The following ALKBH8 variants were observed in gnomAD, a reference collection of about 807,000 sequenced individuals.
The protein encoded by ALKBH8 is tRNA (carboxymethyluridine(34)-5-O)-methyltransferase ALKBH8.
A neutral mutation model predicts 59.8 loss-of-function variants in ALKBH8; 36 were observed. That is an observed-to-expected ratio of 0.60 (90% CI 0.46 to 0.79). The LOEUF is 0.79. Among genes scored for constraint, ALKBH8 ranks in the 30% least tolerant of loss-of-function variants. ALKBH8 has a pLI of 0.00. For missense variants in ALKBH8, 768 were observed against 801.0 expected (o/e 0.96, Z 0.50); for synonymous variants, 276 against 273.6 (o/e 1.01, Z -0.09).
At chr11:107,550,646 C>A (rs1345635882) in intron 6 of ALKBH8, among the ~76,000 whole-genome samples, 1 of 152,192 alleles carries the variant, frequency 6.6e-6, no homozygotes, top group Non-Finnish European at 1.5e-5. Context: ...ATTCACAAAT[C>A]CACAGCTACA....
In ALKBH8 at chr11:107,504,472, CTGTGA is replaced by C. The variant is rs1233859763; in HGVS notation, c.*181_*185del. Reference sequence around the variant, plus strand: ...GAAGTAGGAGGAGCCAACACCACATCTGTGATGTCAGCCAACAGGAGACATTTGAA... The same window carrying C: ...GAAGTAGGAGGAGCCAACACCACATCTGTCAGCCAACAGGAGACATTTGAA... On this transcript the variant is annotated 3_prime_UTR_variant, in exon 12 of 12. Coordinates refer to ENST00000428149, the MANE Select transcript of ALKBH8 (RefSeq NM_138775.3). The C allele has an allele frequency of 1.6e-5, 12 of 740,740 alleles. No individual in the cohort carries two copies. Among genetic ancestry groups the C allele is most frequent in the Admixed American group, 8.5e-5 (4 of 47,288 alleles). 45.9% of individuals were successfully genotyped at this position (740,740 alleles called of 1,614,324 possible).
Position 107,551,891 on chromosome 11 carries a change from C to G in ALKBH8, c.617G>C (p.Ser206Thr), listed in dbSNP as rs777536795. 1 of 1,537,662 alleles carries G rather than the reference C, an allele frequency of 6.5e-7. No individual in the cohort carries two copies. Among genetic ancestry groups the G allele is most frequent in the Non-Finnish European group, 8.7e-7 (1 of 1,147,076 alleles). ...TTTCCTCAACCATTTCTCCAAAAAG[C>G]TTTCACAAATGTCAGGAAGACCTAC... Reference protein sequence around the residue: ...LSGGLPDICESFLEKWLRKGY... With the variant: ...LSGGLPDICETFLEKWLRKGY... Residue 206 changes from serine to threonine, a missense_variant, in exon 6 of 12, where the codon AGC becomes ACC. Physicochemically the swap from Ser to Thr is moderately conservative, Grantham distance 58. Coordinates refer to ENST00000428149, the MANE Select transcript of ALKBH8 (RefSeq NM_138775.3).
In ALKBH8 at chr11:107,551,835, T is replaced by A; in HGVS notation, c.673A>T (p.Thr225Ser). ...GYIKHKPDQM[T>S]INQYEPGQGI... is the part of the protein sequence containing the mutation. ...TGCCCAGGTTCATACTGATTTATGG[T>A]CATTTGATCAGGTTTATGTTTAATG... The change falls in exon 6 of 12, where the codon ACC becomes TCC. Residue 225 changes from threonine (T) to serine (S), a missense_variant. By Grantham distance (58) the Thr-to-Ser change is moderately conservative (BLOSUM62 1). Transcript: ENST00000428149. 6.5e-7 allele frequency: 1 copy of A among 1,544,844 alleles called. No homozygotes were observed. Among genetic ancestry groups the A allele is most frequent in the Non-Finnish European group, 8.7e-7 (1 of 1,153,706 alleles).
intron 7 of ALKBH8, among the ~76,000 whole-genome samples, chr11:107,533,597 T>G (rs1863686030): frequency 6.6e-6 from 1 of 152,210 alleles, no homozygotes. Flanking sequence ...CATATAGTCA[T>G]ACCCTGAAAG....
intron 7 of ALKBH8, among the ~76,000 whole-genome samples, chr11:107,537,086 A>T (rs1863848347): frequency 6.6e-6 from 1 of 152,248 alleles, no homozygotes; most frequent in South Asian, 2.1e-4. Flanking sequence ...AGACTCCTGA[A>T]AATTCATAAT....
intron 6 of ALKBH8, 122 bp from the exon 7 acceptor site, chr11:107,549,945 T>C: frequency 1.5e-6 from 1 of 646,704 alleles, no homozygotes; most frequent in South Asian, 2.5e-5. Context: ...GAAGGTACTA[T>C]AATTTTGGTT....
chr11:107,520,839 G>A (rs79486144), intron 10 of ALKBH8, among the ~76,000 whole-genome samples: 29 of 152,100 alleles, frequency 1.9e-4, no homozygotes, highest in African/African-American at 6.3e-4. Context: ...CCAGCCCTCC[G>A]AATCTATGAG....
chr11:107,528,436 T>C (rs1426748435), intron 8 of ALKBH8, among the ~76,000 whole-genome samples: 4 of 152,132 alleles, frequency 2.6e-5, no homozygotes, highest in Admixed American at 6.5e-5. Context: ...TTAAAGGCAA[T>C]TTTGTAGAGG....
At chr11:107,558,766 G>T (rs1864813720) in intron 2 of ALKBH8, among the ~76,000 whole-genome samples, 1 of 152,128 alleles carries the variant, frequency 6.6e-6, no homozygotes. Context: ...ATTTATAATT[G>T]TTCAAGCAAT....
chr11:107,550,672 G>C (rs1009400598), intron 6 of ALKBH8, among the ~76,000 whole-genome samples: 2 of 152,134 alleles, frequency 1.3e-5, no homozygotes, highest in African/African-American at 4.8e-5. Context: ...AAAGCCATCA[G>C]TTTTCATTAT....
At chr11:107,506,512 T>C (rs184181048) in intron 11 of ALKBH8, among the ~76,000 whole-genome samples, 5 of 152,030 alleles carry the variant, frequency 3.3e-5, no homozygotes, top group African/African-American at 4.8e-5. Context: ...ATTTCAGTAA[T>C]GATAAAATAC....
chr11:107,505,315 G>T, intron 11 of ALKBH8, 100 bp from the exon 12 acceptor site: 3 of 828,604 alleles, frequency 3.6e-6, no homozygotes, highest in East Asian at 2.8e-5. Context: ...TGAACAATAA[G>T]AATATCTAAC....
At position 107,503,432 on chromosome 11, in the gene ALKBH8, A is replaced by G. The variant is rs1862253508; in HGVS notation, c.*1226T>C. 6.6e-6 allele frequency: 1 copy of G among 152,210 alleles called. No homozygotes were observed. 9.4% of individuals were successfully genotyped at this position (152,210 alleles called of 1,614,324 possible). On this transcript the variant is annotated 3_prime_UTR_variant, in exon 12 of 12. Transcript: ENST00000428149. ...ACAGAAAGCAATTTTTCTTTAAAAC[A>G]GTCTTAAGCATTACTACTACAAAAG...
At chr11:107,564,113 C>CT (rs1326548280) in intron 1 of ALKBH8, among the ~76,000 whole-genome samples, 1 of 152,098 alleles carries the variant, frequency 6.6e-6, no homozygotes, top group African/African-American at 2.4e-5. Context: ...AGTGAAGTCA[C>CT]TATTAACTAT....
chr11:107,518,716 G>A (rs932704811), intron 10 of ALKBH8, among the ~76,000 whole-genome samples: 11 of 152,248 alleles, frequency 7.2e-5, no homozygotes, highest in Admixed American at 7.2e-4. Context: ...GATACTTTTA[G>A]TTAATCCCAT....
chr11:107,527,022 G>C (rs1351412466), intron 8 of ALKBH8, among the ~76,000 whole-genome samples: 3 of 151,920 alleles, frequency 2.0e-5, no homozygotes, highest in African/African-American at 7.2e-5. Flanking sequence ...ATTGTTTCAA[G>C]ATTGTTTTGA....
At position 107,505,784 on chromosome 11, in the gene ALKBH8, C is replaced by T. The variant is rs183792839; in HGVS notation, c.1438-569G>A. Among the ~76,000 whole-genome samples the T allele has an allele frequency of 7.7e-4, 118 of 152,298 alleles. 1 individual carries two copies. The highest frequency in any genetic ancestry group is 2.7e-3 in the African/African-American group (111 of 41,580). On this transcript the variant is annotated intron_variant, in intron 11 of 11. Transcript: ENST00000428149. ...AAGGTGAGCTCTAGATTCACTCCAGCTTTTCCCTGAGATTATCTGCAAATT... is the reference window on the plus strand; with the variant it reads ...AAGGTGAGCTCTAGATTCACTCCAGTTTTTCCCTGAGATTATCTGCAAATT...
chr11:107,510,807 G>A (rs655009), intron 11 of ALKBH8, 80 bp downstream of exon 11: 734,074 of 1,412,386 alleles, frequency 0.52, 198,535 homozygotes, highest in Non-Finnish European at 0.56. Flanking sequence ...GCTAAAACAG[G>A]GTCCAAAATC....
chr11:107,525,502 G>T lies in ALKBH8; in HGVS notation c.969C>A (p.Ser323Arg), dbSNP rs1337179925. ...ITSDVGDLTLSKRGLRTSFTF... is the reference protein window; with the variant it reads ...ITSDVGDLTLRKRGLRTSFTF... ...TAAATGATGTTCGTAGTCCCCTCTT[G>T]CTTAAAGTTAAGTCTCCAACATCAC... Residue 323 changes from serine to arginine, a missense_variant, in exon 9 of 12, where the codon AGC (serine) becomes AGA (arginine). Transcript: ENST00000428149. The T allele has an allele frequency of 6.5e-7, 1 of 1,542,928 alleles. No homozygotes were observed. The highest frequency in any genetic ancestry group is 1.2e-5 in the South Asian group (1 of 83,304).
Sources: gnomAD v4.1 joint callset for allele counts (sites outside exome capture counted in the v4.1 genomes callset) on GRCh38, gnomAD v4.1.1 for gene constraint, MANE v1.5 for transcripts, NCBI Gene and HGNC (gene_info 2026-07-23, HGNC 2026-07-21) for gene names.